The following SH3RF1 variants were observed in gnomAD, a reference collection of about 807,000 sequenced individuals.
SH3RF1 encodes the protein E3 ubiquitin-protein ligase SH3RF1.
SH3RF1 carries 32 observed loss-of-function variants against 74.0 expected under a neutral mutation model. The ratio of observed to expected loss-of-function variants is 0.43; its 90% CI spans 0.33 to 0.58. SH3RF1 has a LOEUF of 0.58. Among genes scored for constraint, SH3RF1 ranks in the 20% least tolerant of loss-of-function variants. SH3RF1 has a pLI of 0.05. For synonymous variants in SH3RF1, 396 were observed against 439.6 expected (o/e 0.90, Z 1.24); for missense variants, 954 against 1,130.9 (o/e 0.84, Z 2.24).
chr4:169,189,268 A>G (rs912458539), intron 2 of SH3RF1, among the ~76,000 whole-genome samples: 1 of 152,254 alleles, frequency 6.6e-6, no homozygotes, highest in Non-Finnish European at 1.5e-5. Context: ...TTAGTCAACT[A>G]TGTCATAAAG....
At chr4:169,107,680 A>T (rs989862217) in intron 10 of SH3RF1, among the ~76,000 whole-genome samples, 2 of 152,240 alleles carry the variant, frequency 1.3e-5, no homozygotes, top group African/African-American at 4.8e-5. Flanking sequence ...AAGAGAGCTG[A>T]CTATGCAGAA....
At chr4:169,103,553 T>C (rs1038990531) in intron 11 of SH3RF1, among the ~76,000 whole-genome samples, 1 of 152,244 alleles carries the variant, frequency 6.6e-6, no homozygotes, top group African/African-American at 2.4e-5. Flanking sequence ...GCACTTTTTA[T>C]TGTGTTGAAA....
chr4:169,201,511 T>C (rs996410653), intron 2 of SH3RF1, among the ~76,000 whole-genome samples: 18 of 152,240 alleles, frequency 1.2e-4, no homozygotes, highest in Non-Finnish European at 4.4e-5. Context: ...CACTGATGTT[T>C]CAGGAATGCT....
Position 169,154,639 on chromosome 4 carries a change from T to C in SH3RF1, c.765+841A>G, listed in dbSNP as rs188582785. On this transcript the variant is annotated intron_variant, in intron 4 of 11. Coordinates refer to ENST00000284637, the MANE Select transcript of SH3RF1 (RefSeq NM_020870.4). ...ATATACCTTTTCCATGTCTCTTAGT[T>C]AACCCTTATTTATCCATCACACAGA... Among the ~76,000 whole-genome samples, 192 of 152,336 alleles carry C rather than the reference T, an allele frequency of 1.3e-3. 1 individual carries two copies. The highest frequency in any genetic ancestry group is 4.4e-3 in the African/African-American group (185 of 41,582).
intron 4 of SH3RF1, among the ~76,000 whole-genome samples, chr4:169,146,127 T>C (rs1253522142): frequency 1.5e-5 from 2 of 137,748 alleles, no homozygotes; most frequent in Non-Finnish European, 3.1e-5. Flanking sequence ...ATATATTCTA[T>C]ATATTATATA....
chr4:169,155,720 TA>T lies in SH3RF1; in HGVS notation c.670-146del. ...TATGACATATCTTTAGTACATGGAT[TA>T]AATGTTTTCATGAATTAAACGGTAG... On this transcript the variant is annotated intron_variant, in intron 3 of 11. Coordinates refer to ENST00000284637, the MANE Select transcript of SH3RF1 (RefSeq NM_020870.4). The T allele has an allele frequency of 9.3e-6, 6 of 647,390 alleles. No individual in the cohort carries two copies. In the South Asian group the frequency reaches 9.5e-5, roughly 10 times the overall value. The allele number at this position is 647,390 out of a possible 1,614,324, so 40.1% of individuals were successfully genotyped here.
chr4:169,189,113 T>C lies in SH3RF1; in HGVS notation c.394-32434A>G, dbSNP rs147231849. Reference sequence around the variant, plus strand: ...CTGAAGAGATTCTTGTCAGTTCAAGTAGAAGCTTTTGTAAATGTCTAAAAT... The same window carrying C: ...CTGAAGAGATTCTTGTCAGTTCAAGCAGAAGCTTTTGTAAATGTCTAAAAT... On this transcript the variant is annotated intron_variant, in intron 2 of 11. Transcript: ENST00000284637. 1.5e-3 allele frequency among the ~76,000 whole-genome samples: 235 copies of C among 152,364 alleles called. 1 individual carries two copies. The South Asian group carries it at 0.018, about 12-fold the overall frequency.
At chr4:169,112,353 G>A (rs1336205456) in intron 10 of SH3RF1, among the ~76,000 whole-genome samples, 1 of 152,194 alleles carries the variant, frequency 6.6e-6, no homozygotes, top group Non-Finnish European at 1.5e-5. Context: ...AAACCAGACG[G>A]GTGGAGATGC....
intron 11 of SH3RF1, among the ~76,000 whole-genome samples, chr4:169,100,076 G>A (rs1732993658): frequency 6.6e-6 from 1 of 152,196 alleles, no homozygotes; most frequent in South Asian, 2.1e-4. Context: ...TTGCCAAGTA[G>A]AACATTTACA....
At chr4:169,101,674 C>CAA (rs3070770) in intron 11 of SH3RF1, among the ~76,000 whole-genome samples, 6,171 of 85,616 alleles carry the variant, frequency 0.072, 128 homozygotes, top group Non-Finnish European at 0.077. Flanking sequence ...AAAAAAAAGG[C>CAA]AAAAAAAAAA....
chr4:169,202,111 A>T (rs1299138965), intron 2 of SH3RF1, among the ~76,000 whole-genome samples: 1 of 152,144 alleles, frequency 6.6e-6, no homozygotes, highest in Non-Finnish European at 1.5e-5. Flanking sequence ...CACTCCCCCA[A>T]ATTTACAGTT....
intron 2 of SH3RF1, among the ~76,000 whole-genome samples, chr4:169,164,417 T>C (rs1235751208): frequency 2.6e-5 from 4 of 152,210 alleles, no homozygotes; most frequent in Admixed American, 6.5e-5. Flanking sequence ...GCAAAATATA[T>C]ACAAACACAT....
intron 2 of SH3RF1, among the ~76,000 whole-genome samples, chr4:169,172,000 G>A (rs927425039): frequency 6.6e-6 from 1 of 152,144 alleles, no homozygotes; most frequent in Non-Finnish European, 1.5e-5. Context: ...ATTAATTACA[G>A]CTACAGAATA....
chr4:169,119,100 CAGAT>C (rs1028920699), intron 8 of SH3RF1, among the ~76,000 whole-genome samples: 3 of 151,728 alleles, frequency 2.0e-5, no homozygotes, highest in African/African-American at 7.2e-5. Flanking sequence ...GTTAAACAAA[CAGAT>C]AGATTTTTTT....
chr4:169,110,472 C>A (rs1018801501), intron 10 of SH3RF1, among the ~76,000 whole-genome samples: 1 of 151,906 alleles, frequency 6.6e-6, no homozygotes, highest in African/African-American at 2.4e-5. Context: ...TTAAGAAAAT[C>A]AAGAATAATA....
chr4:169,162,154 C>T (rs1406567301), intron 2 of SH3RF1, among the ~76,000 whole-genome samples: 1 of 151,566 alleles, frequency 6.6e-6, no homozygotes, highest in Non-Finnish European at 1.5e-5. Flanking sequence ...GAGACTCCGT[C>T]TCAGAAAAAA....
At chr4:169,236,505 G>A (rs1256505755) in intron 2 of SH3RF1, among the ~76,000 whole-genome samples, 5 of 152,102 alleles carry the variant, frequency 3.3e-5, no homozygotes, top group Admixed American at 6.5e-5. Context: ...AAGTAATATC[G>A]TTACTTATTA....
chr4:169,205,445 T>TATTA (rs552758519), intron 2 of SH3RF1, among the ~76,000 whole-genome samples: 1 of 152,196 alleles, frequency 6.6e-6, no homozygotes, highest in South Asian at 2.1e-4. Flanking sequence ...TGCTATCTCT[T>TATTA]TTATATTAAT....
At chr4:169,263,113 A>ACATCCC (rs147085211) in intron 2 of SH3RF1, among the ~76,000 whole-genome samples, 1,802 of 152,280 alleles carry the variant, frequency 0.012, 38 homozygotes, top group African/African-American at 0.041. Flanking sequence ...GAGTTAATAC[A>ACATCCC]CATCCCCATC....
Sources: gnomAD v4.1 joint callset for allele counts (sites outside exome capture counted in the v4.1 genomes callset) on GRCh38, gnomAD v4.1.1 for gene constraint, MANE v1.5 for transcripts, NCBI Gene and HGNC (gene_info 2026-07-23, HGNC 2026-07-21) for gene names.